GABRB2: variants seen among roughly 807,000 people sequenced by gnomAD.
GABRB2 encodes the protein gamma-aminobutyric acid type A receptor subunit beta2, also known as gamma-aminobutyric acid receptor subunit beta-2.
In GABRB2, 16 loss-of-function variants were observed where a neutral mutation model predicts 54.7. That is an observed-to-expected ratio of 0.29 (90% CI 0.20 to 0.44). The LOEUF is 0.44. GABRB2 is among the 20% of genes least tolerant of loss of function. GABRB2 has a pLI of 1.00. For missense variants in GABRB2, 355 were observed against 644.0 expected, an observed-to-expected ratio of 0.55 and a Z score of 4.86; for synonymous variants, 244 against 233.8, an observed-to-expected ratio of 1.04 and a Z score of -0.40.
intron 5 of GABRB2, among the ~76,000 whole-genome samples, chr5:161,345,349 C>T (rs879367244): frequency 6.6e-6 from 1 of 152,010 alleles, no homozygotes; most frequent in Non-Finnish European, 1.5e-5. Flanking sequence ...TAGAAAACTC[C>T]TTGATGGATT....
intron 5 of GABRB2, among the ~76,000 whole-genome samples, chr5:161,368,218 A>G (rs1358375642): frequency 1.3e-5 from 2 of 152,122 alleles, no homozygotes; most frequent in Non-Finnish European, 2.9e-5. Context: ...AAAGGTGGAA[A>G]AATTGGAGCT....
chr5:161,336,115 C>G (rs1330672070), intron 6 of GABRB2, among the ~76,000 whole-genome samples: 1 of 152,114 alleles, frequency 6.6e-6, no homozygotes, highest in African/African-American at 2.4e-5. Context: ...GCAAAGGCCT[C>G]GGGATAATCT....
chr5:161,524,482 C>G (rs1327268959), intron 3 of GABRB2, among the ~76,000 whole-genome samples: 1 of 151,598 alleles, frequency 6.6e-6, no homozygotes, highest in South Asian at 2.1e-4. Context: ...AGCAGGAGCA[C>G]CAGATTGTAC....
chr5:161,317,062 T>C (rs925691295), intron 9 of GABRB2, among the ~76,000 whole-genome samples: 98 of 151,998 alleles, frequency 6.4e-4, no homozygotes, highest in African/African-American at 2.2e-3. Flanking sequence ...GTGTGGCAGG[T>C]GTGTGTGTGT....
chr5:161,314,450 G>A (rs1757965683), intron 9 of GABRB2, among the ~76,000 whole-genome samples: 1 of 152,088 alleles, frequency 6.6e-6, no homozygotes, highest in Non-Finnish European at 1.5e-5. Flanking sequence ...GTCTCCCTAG[G>A]TGCCCTTTGC....
At chr5:161,388,425 A>G (rs976856516) in intron 5 of GABRB2, among the ~76,000 whole-genome samples, 3 of 152,100 alleles carry the variant, frequency 2.0e-5, no homozygotes, top group Admixed American at 6.6e-5. Context: ...ACTGAGAGGT[A>G]TAAATTGCTT....
At chr5:161,352,262 C>T (rs887728501) in intron 5 of GABRB2, among the ~76,000 whole-genome samples, 1 of 151,856 alleles carries the variant, frequency 6.6e-6, no homozygotes, top group African/African-American at 2.4e-5. Context: ...CCCATGTTCA[C>T]TGAAATATTA....
At chr5:161,391,754 T>C (rs910684531) in intron 5 of GABRB2, among the ~76,000 whole-genome samples, 4 of 152,130 alleles carry the variant, frequency 2.6e-5, no homozygotes, top group Non-Finnish European at 5.9e-5. Context: ...CCCACAGAAG[T>C]TGGTTGCAGA....
At chr5:161,421,645 G>C (rs1045398533) in intron 4 of GABRB2, among the ~76,000 whole-genome samples, 4 of 152,098 alleles carry the variant, frequency 2.6e-5, no homozygotes, top group African/African-American at 7.2e-5. Flanking sequence ...TCGGCTTCAG[G>C]AGAACCCAAC....
At chr5:161,330,065 T>C (rs1378056505) in intron 8 of GABRB2, 1 of 152,174 alleles carries the variant, frequency 6.6e-6, no homozygotes, top group East Asian at 1.9e-4. Flanking sequence ...TCCAAGAAAA[T>C]CAAATCAGAT....
intron 5 of GABRB2, among the ~76,000 whole-genome samples, chr5:161,360,469 AGTT>A (rs1041423636): frequency 1.5e-4 from 23 of 152,320 alleles, no homozygotes; most frequent in African/African-American, 5.1e-4. Context: ...TATTTCTACA[AGTT>A]GTTCTCTTTT....
chr5:161,504,638 G>A (rs1374612959), intron 3 of GABRB2, among the ~76,000 whole-genome samples: 2 of 150,654 alleles, frequency 1.3e-5, no homozygotes, highest in African/African-American at 4.9e-5. Context: ...AAACCTTAAC[G>A]AATTTTAAAA....
At position 161,289,472 on chromosome 5, in the gene GABRB2, T is replaced by C. The variant is rs189959880; in HGVS notation, c.*4609A>G. The C allele has an allele frequency of 5.9e-5, 9 of 152,176 alleles. No homozygotes were observed. Among genetic ancestry groups the C allele is most frequent in the Admixed American group, 3.3e-4 (5 of 15,212 alleles). The allele number at this position is 152,176 out of a possible 1,614,324, so 9.4% of individuals were successfully genotyped here. Reference sequence around the variant, plus strand: ...AATACTACCTAAGGACAAAATACTATTATTAAAAAAAAAGTCTTCTAGTGT... The same window carrying C: ...AATACTACCTAAGGACAAAATACTACTATTAAAAAAAAAGTCTTCTAGTGT... On this transcript the variant is annotated 3_prime_UTR_variant, in exon 10 of 10. Transcript: ENST00000393959.
intron 3 of GABRB2, among the ~76,000 whole-genome samples, chr5:161,521,447 C>CCA (rs1760112379): frequency 1.3e-5 from 2 of 148,532 alleles, no homozygotes; most frequent in African/African-American, 5.0e-5. Context: ...AGTTTATTTT[C>CCA]GAAAAAAAAG....
At chr5:161,312,619 A>G (rs869647) in intron 9 of GABRB2, among the ~76,000 whole-genome samples, 19,344 of 152,184 alleles carry the variant, frequency 0.13, 1,740 homozygotes, top group African/African-American at 0.22. Context: ...CTGGGCCTCA[A>G]CTTTTTCACG....
intron 4 of GABRB2, among the ~76,000 whole-genome samples, chr5:161,445,797 T>C (rs1160116257): frequency 2.6e-5 from 4 of 152,134 alleles, no homozygotes; most frequent in African/African-American, 4.8e-5. Context: ...CCAATGTCCA[T>C]CTTACATGTA....
chr5:161,542,174 C>T (rs1343500832), intron 3 of GABRB2, among the ~76,000 whole-genome samples: 2 of 152,020 alleles, frequency 1.3e-5, no homozygotes, highest in Non-Finnish European at 2.9e-5. Context: ...CAAACAATTG[C>T]AATAGTAACA....
chr5:161,471,568 A>T (rs1305068721), intron 3 of GABRB2, among the ~76,000 whole-genome samples: 1 of 152,032 alleles, frequency 6.6e-6, no homozygotes, highest in Non-Finnish European at 1.5e-5. Context: ...TGTGAAACAC[A>T]AATGCACATG....
At chr5:161,478,152 GTC>G (rs1432026864) in intron 3 of GABRB2, among the ~76,000 whole-genome samples, 1 of 151,906 alleles carries the variant, frequency 6.6e-6, no homozygotes, top group African/African-American at 2.4e-5. Context: ...TAATCACAAA[GTC>G]TCTGTTGCTA....
Sources: allele counts gnomAD v4.1 joint callset (sites outside exome capture counted in the v4.1 genomes callset), GRCh38; gene constraint gnomAD v4.1.1; transcripts MANE v1.5; gene names NCBI Gene and HGNC (gene_info 2026-07-23, HGNC 2026-07-21).